ST7: variants seen among roughly 807,000 people sequenced by gnomAD.
The protein encoded by ST7 is suppressor of tumorigenicity 7 protein.
A neutral mutation model predicts 78.7 loss-of-function variants in ST7; 28 were observed. The ratio of observed to expected loss-of-function variants is 0.36; its 90% CI spans 0.26 to 0.49. The LOEUF is 0.49. Among genes scored for constraint, ST7 ranks in the 20% least tolerant of loss-of-function variants. The pLI, the probability that ST7 is intolerant of heterozygous loss-of-function variation, is 0.99. For synonymous variants in ST7, 247 were observed against 249.6 expected (o/e 0.99, Z 0.10); for missense variants, 418 against 696.0 (o/e 0.60, Z 4.49).
At chr7:116,958,617 T>A in intron 1 of ST7, 1 of 471,396 alleles carries the variant, frequency 2.1e-6, no homozygotes, top group Admixed American at 2.3e-5. Context: ...CTTCTGATCC[T>A]TTCAGCTGCA....
At chr7:117,014,911 A>C in intron 1 of ST7, 1 of 1,172,856 alleles carries the variant, frequency 8.5e-7, no homozygotes, top group Non-Finnish European at 1.1e-6. Flanking sequence ...AGGCTTCCCC[A>C]GAACGGTTCG....
intron 1 of ST7, 48 bp from the exon 2 acceptor site, chr7:117,099,714 C>T (rs1426246125): frequency 1.4e-6 from 2 of 1,386,478 alleles, no homozygotes; most frequent in Non-Finnish European, 2.0e-6. Context: ...TACTGACATA[C>T]TCATACATTC....
Position 117,119,596 on chromosome 7 carries a change from T to C in ST7, c.270T>C (p.Thr90=), listed in dbSNP as rs368082187. 6.2e-7 allele frequency: 1 copy of C among 1,612,822 alleles called. No homozygotes were observed. Among genetic ancestry groups the C allele is most frequent in the South Asian group, 1.1e-5 (1 of 90,528 alleles). The change falls in exon 3 of 16, where the codon ACT becomes ACC. Residue 90 remains threonine, a synonymous_variant. Transcript: ENST00000323984. ...FEWWYFRKYG[T]SFIEQVSVSH... is the part of the protein sequence containing the mutation. ...GGTGGTATTTTCGCAAATACGGAAC[T>C]TCATTCATTGAACAAGTCTCAGTAA...
At chr7:117,218,888 AGT>A in intron 13 of ST7, 194 bp from the exon 14 acceptor site, 1 of 547,634 alleles carries the variant, frequency 1.8e-6, no homozygotes, top group Admixed American at 3.3e-5. Context: ...CAGAATATAT[AGT>A]GTGAGATGAA....
At chr7:117,118,425 A>T (rs1803076089) in intron 2 of ST7, 1 of 152,272 alleles carries the variant, frequency 6.6e-6, no homozygotes, top group Non-Finnish European at 1.5e-5. Flanking sequence ...CTGGTCATTC[A>T]TAAATGTTCC....
intron 13 of ST7, among the ~76,000 whole-genome samples, 184 bp downstream of exon 13, chr7:117,210,121 G>A (rs949726507): frequency 2.0e-5 from 3 of 152,140 alleles, no homozygotes; most frequent in African/African-American, 7.2e-5. Flanking sequence ...GTATTCCTGT[G>A]GTGAGGCTGT....
intron 1 of ST7, among the ~76,000 whole-genome samples, chr7:117,093,448 T>G (rs1454110997): frequency 1.3e-5 from 2 of 152,214 alleles, no homozygotes; most frequent in Non-Finnish European, 2.9e-5. Flanking sequence ...ACACCTGTAA[T>G]GCCAGCACTT....
chr7:117,020,369 T>G, intron 1 of ST7: 1 of 476,928 alleles, frequency 2.1e-6, no homozygotes, highest in Non-Finnish European at 3.7e-6. Context: ...AAGCAGCTCT[T>G]CGGTTTTTGG....
At chr7:117,053,802 C>T (rs1485150618) in intron 1 of ST7, among the ~76,000 whole-genome samples, 2 of 151,096 alleles carry the variant, frequency 1.3e-5, no homozygotes, top group Non-Finnish European at 2.9e-5. Flanking sequence ...GAGTGATGTA[C>T]TGATGTTCTT....
chr7:117,223,273 G>T, intron 15 of ST7: 2 of 379,310 alleles, frequency 5.3e-6, no homozygotes, highest in Non-Finnish European at 4.9e-6. Flanking sequence ...AGTCTTAACT[G>T]GTCTCCTTGC....
chr7:117,119,563 A>G lies in ST7; in HGVS notation c.237A>G (p.Ile79Met). ...TSSLISGLIL[I>M]FEWWYFRKYG... ...ACACGCTTATTTTTCTGTTCTAGAT[A>G]TTTGAATGGTGGTATTTTCGCAAAT... Residue 79 changes from isoleucine (I) to methionine (M), a missense_variant and splice_region_variant, in exon 3 of 16, where the codon ATA (isoleucine) becomes ATG (methionine). Ile to Met is a conservative substitution (Grantham distance 10, BLOSUM62 1). Transcript: ENST00000323984. 1 of 1,612,168 alleles carries G rather than the reference A, an allele frequency of 6.2e-7. No homozygotes were observed. Among genetic ancestry groups the G allele is most frequent in the Non-Finnish European group, 8.5e-7 (1 of 1,179,642 alleles).
At chr7:117,008,318 T>C (rs1483925507) in intron 1 of ST7, among the ~76,000 whole-genome samples, 1 of 152,252 alleles carries the variant, frequency 6.6e-6, no homozygotes, top group Admixed American at 6.5e-5. Flanking sequence ...GTTAGGATTG[T>C]AGTCTGTTTC....
At chr7:117,222,997 C>A in intron 15 of ST7, 1 of 1,549,330 alleles carries the variant, frequency 6.5e-7, no homozygotes, top group Non-Finnish European at 8.9e-7. Flanking sequence ...CACCCCTCTT[C>A]CCCCACCACC....
intron 9 of ST7, among the ~76,000 whole-genome samples, chr7:117,162,857 C>T (rs1352480741): frequency 2.0e-5 from 3 of 152,106 alleles, no homozygotes; most frequent in Admixed American, 6.5e-5. Context: ...TGGTATGGAA[C>T]ACTAGAAGTT....
At chr7:117,095,946 C>T (rs1800994681) in intron 1 of ST7, among the ~76,000 whole-genome samples, 2 of 151,570 alleles carry the variant, frequency 1.3e-5, no homozygotes, top group South Asian at 2.1e-4. Context: ...CAGGTGCCTG[C>T]AATCTCAGCT....
chr7:117,200,992 C>A (rs1326029226), intron 12 of ST7, among the ~76,000 whole-genome samples: 1 of 152,074 alleles, frequency 6.6e-6, no homozygotes, highest in Non-Finnish European at 1.5e-5. Context: ...CATGCAAACA[C>A]TAAAGCAGTC....
chr7:117,034,449 C>G (rs1262812300), intron 1 of ST7, among the ~76,000 whole-genome samples: 1 of 152,144 alleles, frequency 6.6e-6, no homozygotes, highest in Non-Finnish European at 1.5e-5. Flanking sequence ...ATCAGTGGTT[C>G]TAGGTTTTAT....
Position 116,953,624 on chromosome 7 carries a change from C to T in ST7, c.84C>T (p.Phe28=). The T allele has an allele frequency of 6.6e-7, 1 of 1,512,332 alleles. No homozygotes were observed. The highest frequency in any genetic ancestry group is 8.9e-7 in the Non-Finnish European group (1 of 1,118,476). 93.7% of individuals were successfully genotyped at this position (1,512,332 alleles called of 1,614,324 possible). A position where few individuals can be genotyped will look rare whatever the true frequency, so the allele number is the denominator to read the frequency against. ...WSWTYLWTVW[F]FIVLFLVYIL... ...GGACGTATCTGTGGACCGTGTGGTT[C>T]TTCATCGTGCTATTCCTGGTCTACA... is the stretch of plus-strand genomic sequence containing the variant. Residue 28 remains phenylalanine (F), a synonymous_variant, in exon 1 of 16, where the codon TTC becomes TTT. Coordinates refer to ENST00000323984, the MANE Select transcript of ST7 (RefSeq NM_001369598.1).
At position 117,190,697 on chromosome 7, in the gene ST7, G is replaced by T. The variant is rs200540784; in HGVS notation, c.1152-137G>T. 8.1e-5 allele frequency: 53 copies of T among 652,008 alleles called. No individual in the cohort carries two copies. The East Asian group carries it at 1.5e-3, about 18-fold the overall frequency. The allele number at this position is 652,008 out of a possible 1,614,324, so 40.4% of individuals were successfully genotyped here. On this transcript the variant is annotated intron_variant, in intron 11 of 15. Coordinates refer to ENST00000323984, the MANE Select transcript of ST7 (RefSeq NM_001369598.1). This position sits in a 1 kb window ranked among gnomAD's most constrained non-coding sequence, Gnocchi z 5.2. ...CCTCGGTCCGTGGGGTCACTCAGAG[G>T]TTCCATGCAGTAGAAGTTTGGAGAG...
Sources: allele counts gnomAD v4.1 joint callset (sites outside exome capture counted in the v4.1 genomes callset), GRCh38; gene constraint gnomAD v4.1.1; non-coding constraint Gnocchi (gnomAD v3.1); transcripts MANE v1.5; gene names NCBI Gene and HGNC (gene_info 2026-07-23, HGNC 2026-07-21).